RHEX: variants seen among roughly 807,000 people sequenced by gnomAD.
RHEX encodes the protein regulator of hemoglobinization and erythroid cell expansion protein.
In RHEX, 18 loss-of-function variants were observed where a neutral mutation model predicts 20.1. The ratio of observed to expected loss-of-function variants is 0.90; its 90% CI spans 0.62 to 1.33. The LOEUF (loss-of-function observed/expected upper bound fraction) is 1.33. RHEX is among the 40% of genes most tolerant of loss of function. The pLI is 0.00. For synonymous variants in RHEX, 87 were observed against 77.1 expected, an observed-to-expected ratio of 1.13 and a Z score of -0.67; for missense variants, 192 against 214.3, an observed-to-expected ratio of 0.90 and a Z score of 0.65.
chr1:206,070,391 C>A (rs1456362177), intron 1 of RHEX, among the ~76,000 whole-genome samples: 1 of 152,168 alleles, frequency 6.6e-6, no homozygotes, highest in Non-Finnish European at 1.5e-5. Flanking sequence ...GGCAGAAGCA[C>A]TGCTAGACGT....
rs782278956 is a variant in RHEX at position 206,101,225 on chromosome 1, C to T, written c.318+28C>T. ...AATGGATGTGCCTAGTGATCTCAGA[C>T]GAACATATGCAGTCTGGGGATCCCT... On this transcript the variant is annotated intron_variant, in intron 5 of 5. Transcript: ENST00000331555. 1.0e-5 allele frequency: 16 copies of T among 1,564,740 alleles called. No individual in the cohort carries two copies. In the Admixed American group the frequency reaches 1.4e-4, roughly 14 times the overall value.
chr1:206,075,700 A>C (rs1662623450), intron 1 of RHEX, among the ~76,000 whole-genome samples: 1 of 151,714 alleles, frequency 6.6e-6, no homozygotes, highest in Admixed American at 6.6e-5. Context: ...TCCTGGGTTC[A>C]AGCGATTCTC....
intron 1 of RHEX, among the ~76,000 whole-genome samples, chr1:206,082,625 A>G (rs1662761678): frequency 1.3e-5 from 2 of 152,270 alleles, no homozygotes; most frequent in Non-Finnish European, 1.5e-5. Context: ...AAACAACCTT[A>G]TGAGATTTAA....
At chr1:206,066,013 C>T (rs1393116100) in intron 1 of RHEX, among the ~76,000 whole-genome samples, 1 of 152,236 alleles carries the variant, frequency 6.6e-6, no homozygotes, top group East Asian at 1.9e-4. Context: ...CCGGGAAGAT[C>T]GCTGGCTGGA....
At chr1:206,064,860 A>T (rs1662392968) in intron 1 of RHEX, among the ~76,000 whole-genome samples, 1 of 151,888 alleles carries the variant, frequency 6.6e-6, no homozygotes, top group Non-Finnish European at 1.5e-5. Flanking sequence ...GAAAAGATTG[A>T]GAAATCGGAT....
chr1:206,064,426 C>T (rs1170211582), intron 1 of RHEX, among the ~76,000 whole-genome samples: 4 of 105,796 alleles, frequency 3.8e-5, no homozygotes, highest in African/African-American at 1.3e-4. Context: ...CCGCCCCGTC[C>T]GGGAGGGAGG....
chr1:206,091,789 A>G (rs1167986051), intron 1 of RHEX, among the ~76,000 whole-genome samples: 1 of 152,160 alleles, frequency 6.6e-6, no homozygotes, highest in Non-Finnish European at 1.5e-5. Context: ...GTTTGTTTCC[A>G]TCTTTGTAAT....
intron 1 of RHEX, among the ~76,000 whole-genome samples, chr1:206,066,570 T>C (rs1662427163): frequency 1.3e-5 from 2 of 152,170 alleles, no homozygotes; most frequent in Admixed American, 1.3e-4. Context: ...TGAGCTGAGA[T>C]TGCACCACTG....
intron 1 of RHEX, among the ~76,000 whole-genome samples, chr1:206,090,202 C>CTTT (rs59499927): frequency 2.1e-3 from 234 of 112,472 alleles, no homozygotes; most frequent in African/African-American, 2.5e-3. Context: ...TCTTTTCTTT[C>CTTT]TTTTTTTTTT....
chr1:206,078,266 G>A lies in RHEX; in HGVS notation c.-96-19467G>A, dbSNP rs141436433. Among the ~76,000 whole-genome samples, 469 of 152,276 alleles carry A rather than the reference G, an allele frequency of 3.1e-3. 1 individual carries two copies. The highest frequency in any genetic ancestry group is 0.011 in the African/African-American group (437 of 41,556). Reference sequence around the variant, plus strand: ...TTTAAAGTTACGTAACAGGCTGGGTGCGGTGGCTCATGTCTGTAATCCCAG... The same window carrying A: ...TTTAAAGTTACGTAACAGGCTGGGTACGGTGGCTCATGTCTGTAATCCCAG... On this transcript the variant is annotated intron_variant, in intron 1 of 5. Transcript: ENST00000331555.
chr1:206,075,195 G>T lies in RHEX; in HGVS notation c.-97+21930G>T, dbSNP rs185164598. Among the ~76,000 whole-genome samples the T allele has an allele frequency of 1.3e-3, 201 of 152,336 alleles. 1 individual carries two copies. The highest frequency in any genetic ancestry group is 5.1e-4 in the Non-Finnish European group (35 of 68,036). ...CAGTGTAAGTGTGTAGCATCTTGCTGGAAAGTATGGTGTTGGAATGGCCAA... is the reference window on the plus strand; with the variant it reads ...CAGTGTAAGTGTGTAGCATCTTGCTTGAAAGTATGGTGTTGGAATGGCCAA... On this transcript the variant is annotated intron_variant, in intron 1 of 5. Coordinates refer to ENST00000331555, the MANE Select transcript of RHEX (RefSeq NM_001007544.4).
rs201372304 is a variant in RHEX at position 206,096,777 on chromosome 1, T to TG, written c.-96-956_-96-955insG. On this transcript the variant is annotated intron_variant, in intron 1 of 5. Coordinates refer to ENST00000331555, the MANE Select transcript of RHEX (RefSeq NM_001007544.4). ...GCACAAGTCCCCTGTTTTTTTTTTT[T>TG]TTGGTTTTTTTTTTTGAGACAGGGT... is the stretch of plus-strand genomic sequence containing the variant. Among the ~76,000 whole-genome samples, 63 of 137,796 alleles carry TG rather than the reference T, an allele frequency of 4.6e-4. No individual in the cohort carries two copies. The Middle Eastern group carries it at 0.01, about 23-fold the overall frequency. 90.4% of individuals were successfully genotyped at this position (137,796 alleles called of 152,430 possible).
intron 1 of RHEX, among the ~76,000 whole-genome samples, chr1:206,081,834 T>C (rs991836905): frequency 6.6e-6 from 1 of 152,212 alleles, no homozygotes; most frequent in African/African-American, 2.4e-5. Flanking sequence ...TGCTGCCATA[T>C]CTACACTGGG....
intron 2 of RHEX, 108 bp downstream of exon 2, chr1:206,097,947 C>T (rs1663109182): frequency 8.4e-7 from 1 of 1,188,444 alleles, no homozygotes; most frequent in African/African-American, 1.5e-5. Context: ...CCTTATTGTC[C>T]AGAGAGGCAA....
At chr1:206,098,394 G>A (rs1571874728) in intron 3 of RHEX, 1 of 534,574 alleles carries the variant, frequency 1.9e-6, no homozygotes. Flanking sequence ...AACTATTTCT[G>A]GCTGGAAGTG....
At chr1:206,074,930 G>A (rs1662602721) in intron 1 of RHEX, among the ~76,000 whole-genome samples, 1 of 152,196 alleles carries the variant, frequency 6.6e-6, no homozygotes, top group Non-Finnish European at 1.5e-5. Context: ...CACCCACAAA[G>A]GGTAATAACA....
intron 1 of RHEX, among the ~76,000 whole-genome samples, chr1:206,092,140 TCTC>T (rs1424772415): frequency 1.3e-5 from 2 of 151,938 alleles, no homozygotes; most frequent in African/African-American, 4.8e-5. Flanking sequence ...CCCAGGCTGA[TCTC>T]CAACTCCTGG....
intron 1 of RHEX, among the ~76,000 whole-genome samples, chr1:206,095,654 T>C (rs1411104146): frequency 6.6e-6 from 1 of 152,022 alleles, no homozygotes; most frequent in Non-Finnish European, 1.5e-5. Context: ...CCGTCTCTAC[T>C]GAAAATACAA....
At position 206,097,859 on chromosome 1, in the gene RHEX, G is replaced by T. The variant is rs1553287893; in HGVS notation, c.11+20G>T. ...GACAGAGTGAGTGGGCCCAACAAGA[G>T]CAGGAGCAAGGTTCCCACCAAGCTA... On this transcript the variant is annotated intron_variant, in intron 2 of 5. Transcript: ENST00000331555. 7.7e-6 allele frequency: 12 copies of T among 1,551,964 alleles called. No individual in the cohort carries two copies. Among genetic ancestry groups the T allele is most frequent in the Non-Finnish European group, 1.1e-5 (12 of 1,123,108 alleles).
Sources: gnomAD v4.1 joint callset for allele counts (sites outside exome capture counted in the v4.1 genomes callset) on GRCh38, gnomAD v4.1.1 for gene constraint, MANE v1.5 for transcripts, NCBI Gene and HGNC (gene_info 2026-07-23, HGNC 2026-07-21) for gene names.